The following CTNNA2 variants were observed in gnomAD, a reference collection of about 807,000 sequenced individuals.
CTNNA2 encodes catenin alpha-2.
A neutral mutation model predicts 101.0 loss-of-function variants in CTNNA2; 42 were observed. The observed-to-expected ratio is 0.42, with a 90% CI of 0.32 to 0.54. The LOEUF (loss-of-function observed/expected upper bound fraction) is 0.54, where lower values mean the gene tolerates loss of function less well. CTNNA2 is among the 20% of genes least tolerant of loss of function. The pLI is 0.14. For missense variants in CTNNA2, 871 were observed against 1,223.1 expected, an observed-to-expected ratio of 0.71 and a Z score of 4.29; for synonymous variants, 450 against 456.4, an observed-to-expected ratio of 0.99 and a Z score of 0.18.
At chr2:79,836,198 C>T (rs1288924459) in intron 3 of CTNNA2, among the ~76,000 whole-genome samples, 2 of 152,040 alleles carry the variant, frequency 1.3e-5, no homozygotes, top group Admixed American at 1.3e-4. Flanking sequence ...AGGGAGGCTG[C>T]TTTTTTTGCT....
At chr2:79,947,937 CTG>C (rs1688615447) in intron 7 of CTNNA2, among the ~76,000 whole-genome samples, 1 of 152,158 alleles carries the variant, frequency 6.6e-6, no homozygotes, top group Non-Finnish European at 1.5e-5. Context: ...ACTCAGGGGA[CTG>C]TGTGGCAACA....
At chr2:79,777,533 G>A (rs942295879) in intron 3 of CTNNA2, among the ~76,000 whole-genome samples, 9 of 152,148 alleles carry the variant, frequency 5.9e-5, no homozygotes, top group Admixed American at 4.6e-4. Flanking sequence ...TTCAGATGCA[G>A]GTGGAGTGCT....
intron 1 of CTNNA2, among the ~76,000 whole-genome samples, chr2:79,515,881 G>A (rs902614821): frequency 1.3e-5 from 2 of 152,186 alleles, no homozygotes; most frequent in East Asian, 1.9e-4. Context: ...AATGTATTCC[G>A]GATATATTCT....
intron 1 of CTNNA2, among the ~76,000 whole-genome samples, chr2:79,613,351 G>T (rs1054132672): frequency 1.4e-3 from 196 of 141,790 alleles, no homozygotes; most frequent in African/African-American, 2.1e-3. Flanking sequence ...GTATTCTTTG[G>T]TTTTTTTTTT....
At chr2:80,353,519 T>A (rs941731816) in intron 7 of CTNNA2, among the ~76,000 whole-genome samples, 7 of 152,116 alleles carry the variant, frequency 4.6e-5, no homozygotes, top group African/African-American at 1.7e-4. Flanking sequence ...TTAAAAAATG[T>A]ATATAACACA....
At chr2:79,567,616 T>C (rs780932075) in intron 1 of CTNNA2, among the ~76,000 whole-genome samples, 9 of 152,036 alleles carry the variant, frequency 5.9e-5, no homozygotes, top group Non-Finnish European at 1.2e-4. Flanking sequence ...AGTTTCACCT[T>C]CCTCTTTATT....
chr2:80,389,699 T>A (rs748179277), intron 7 of CTNNA2, among the ~76,000 whole-genome samples: 1 of 152,192 alleles, frequency 6.6e-6, no homozygotes, highest in African/African-American at 2.4e-5. Context: ...AAATACCTTA[T>A]TTTTTAAAAT....
At position 79,894,405 on chromosome 2, in the gene CTNNA2, A is replaced by G. The variant is rs534908484; in HGVS notation, c.853-15189A>G. 1.7e-3 allele frequency among the ~76,000 whole-genome samples: 256 copies of G among 151,572 alleles called. 4 individuals are homozygous for G. Among genetic ancestry groups the G allele is most frequent in the African/African-American group, 5.7e-3 (236 of 41,290 alleles). Reference sequence around the variant, plus strand: ...AGCCTTTCTAAAATGCTAGTCACATATTATTTACTAGTAAAACTCTGTCTT... The same window carrying G: ...AGCCTTTCTAAAATGCTAGTCACATGTTATTTACTAGTAAAACTCTGTCTT... On this transcript the variant is annotated intron_variant, in intron 6 of 18. Transcript: ENST00000402739.
chr2:80,493,565 G>A (rs1687221078), intron 9 of CTNNA2, among the ~76,000 whole-genome samples: 1 of 152,112 alleles, frequency 6.6e-6, no homozygotes, highest in Non-Finnish European at 1.5e-5. Flanking sequence ...TTAATAAGTG[G>A]ACTTTTTTGA....
chr2:79,193,884 TTTGAGGA>T (rs1673923745), intron 1 of CTNNA2, among the ~76,000 whole-genome samples: 1 of 152,206 alleles, frequency 6.6e-6, no homozygotes, highest in Admixed American at 6.5e-5. Context: ...ACAGGGTAGT[TTTGAGGA>T]TTAAGTGGGT....
intron 9 of CTNNA2, among the ~76,000 whole-genome samples, chr2:80,504,160 A>G (rs1279114661): frequency 1.3e-5 from 2 of 152,140 alleles, no homozygotes; most frequent in African/African-American, 4.8e-5. Context: ...TGAGAAGTTC[A>G]GTGTTTTCTT....
In CTNNA2 at chr2:80,303,761, A is replaced by C. The variant is rs1573650353; in HGVS notation, c.1057-89450A>C. ...GCAGGCCCCCAGCAGACACAAGACC[A>C]CCCCCGAGGGCCTCCTCAGCAGCCA... is the stretch of plus-strand genomic sequence containing the variant. On this transcript the variant is annotated intron_variant, in intron 7 of 18. Coordinates refer to ENST00000402739, the MANE Select transcript of CTNNA2 (RefSeq NM_001282597.3). The surrounding 1 kb of genome is among the most constrained non-coding windows in gnomAD (Gnocchi z 7.7). The C allele has an allele frequency of 6.4e-7, 1 of 1,573,432 alleles. No individual in the cohort carries two copies. Among genetic ancestry groups the C allele is most frequent in the East Asian group, 2.2e-5 (1 of 44,458 alleles).
intron 7 of CTNNA2, among the ~76,000 whole-genome samples, chr2:79,939,492 T>A (rs1688002752): frequency 6.6e-6 from 1 of 152,206 alleles, no homozygotes; most frequent in Admixed American, 6.5e-5. Flanking sequence ...TATTTAGAGA[T>A]CTTTTGTTAA....
chr2:79,207,311 C>T (rs1328510866), intron 2 of CTNNA2, among the ~76,000 whole-genome samples: 1 of 152,120 alleles, frequency 6.6e-6, no homozygotes, highest in Non-Finnish European at 1.5e-5. Context: ...TTCAAAGCCC[C>T]GGTTTCACCT....
chr2:80,392,185 C>T (rs1273673153), intron 7 of CTNNA2, among the ~76,000 whole-genome samples: 1 of 152,126 alleles, frequency 6.6e-6, no homozygotes, highest in Admixed American at 6.6e-5. Flanking sequence ...TCCCATTAGG[C>T]ACAACTTAAG....
chr2:79,737,345 T>C (rs1247055163), intron 2 of CTNNA2, among the ~76,000 whole-genome samples: 1 of 140,056 alleles, frequency 7.1e-6, no homozygotes, highest in African/African-American at 2.6e-5. Flanking sequence ...TGAGACTCCG[T>C]CTCAAAAAAA....
At chr2:79,673,180 G>A (rs772399094) in intron 2 of CTNNA2, among the ~76,000 whole-genome samples, 3 of 151,898 alleles carry the variant, frequency 2.0e-5, no homozygotes, top group Non-Finnish European at 4.4e-5. Flanking sequence ...ATTTAGTTTT[G>A]CTCTATTACA....
intron 7 of CTNNA2, among the ~76,000 whole-genome samples, chr2:80,043,155 TTCCTTCCTTCCTTCCTTCCTTC>T (rs1696277116): frequency 1.2e-5 from 1 of 84,588 alleles, no homozygotes; most frequent in African/African-American, 4.5e-5. Flanking sequence ...CCTTCCTTCC[TTCCTTCCTTCCTTCCTTCCTTC>T]CTTCCTTTCT....
chr2:79,678,620 G>C (rs1683353224), intron 2 of CTNNA2, among the ~76,000 whole-genome samples: 1 of 151,820 alleles, frequency 6.6e-6, no homozygotes, highest in Admixed American at 6.6e-5. Flanking sequence ...GTCCCTGTCT[G>C]AGTTCCAGGA....
Sources: gnomAD v4.1 joint callset for allele counts (sites outside exome capture counted in the v4.1 genomes callset) on GRCh38, gnomAD v4.1.1 for gene constraint, Gnocchi (gnomAD v3.1) non-coding constraint, MANE v1.5 for transcripts, NCBI Gene and HGNC (gene_info 2026-07-23, HGNC 2026-07-21) for gene names.